The following CHD1L variants were observed in gnomAD, a reference collection of about 807,000 sequenced individuals.
The protein encoded by CHD1L is ATP-dependent chromatin remodeler CHD1L.
A neutral mutation model predicts 115.9 loss-of-function variants in CHD1L; 118 were observed. The ratio of observed to expected loss-of-function variants is 1.02; its 90% CI spans 0.88 to 1.19. The LOEUF (loss-of-function observed/expected upper bound fraction) is 1.19. CHD1L is among the 50% of genes most tolerant of loss of function. The pLI is 0.00. For missense variants in CHD1L, 1,179 were observed against 1,065.3 expected, an observed-to-expected ratio of 1.11 and a Z score of -1.49; for synonymous variants, 411 against 387.1, an observed-to-expected ratio of 1.06 and a Z score of -0.72.
Position 147,261,933 on chromosome 1 carries a change from C to T in CHD1L, c.576+2015C>T, listed in dbSNP as rs587772392. 7.9e-5 allele frequency among the ~76,000 whole-genome samples: 12 copies of T among 152,104 alleles called. No individual in the cohort carries two copies. In the South Asian group the frequency reaches 1.3e-3, roughly 16 times the overall value. On this transcript the variant is annotated intron_variant, in intron 6 of 22. Transcript: ENST00000369258. ...GCAACCAGCCGGGCGCAGTGGCTCA[C>T]GCCTGTAATCCCAGCACTTTGGGAG...
At chr1:147,251,401 A>G (rs1480026244) in intron 1 of CHD1L, among the ~76,000 whole-genome samples, 1 of 152,218 alleles carries the variant, frequency 6.6e-6, no homozygotes, top group Non-Finnish European at 1.5e-5. Context: ...AGCAAGAGGA[A>G]TAAGGGAAAG....
At chr1:147,216,084 G>A in the CHD1L span, 1 of 601,674 alleles carries the variant, frequency 1.7e-6, no homozygotes, top group East Asian at 2.9e-5. Context: ...CCCTTATGTA[G>A]TCCCTTCCCC....
chr1:147,233,853 G>T, the CHD1L span, among the ~76,000 whole-genome samples: 5 of 151,786 alleles, frequency 3.3e-5, no homozygotes, highest in East Asian at 3.9e-4. Context: ...AATGGGTTAA[G>T]GGCGGTGCAA....
intron 4 of CHD1L, among the ~76,000 whole-genome samples, chr1:147,256,201 T>TCAGG (rs1292514976): frequency 2.0e-5 from 3 of 152,058 alleles, no homozygotes; most frequent in African/African-American, 4.8e-5. Flanking sequence ...TGAACAGAAG[T>TCAGG]CAGGCAGGCA....
chr1:147,255,855 G>C lies in CHD1L; in HGVS notation c.390G>C (p.Lys130Asn). The change falls in exon 4 of 23, where the codon AAG becomes AAC. Residue 130 changes from lysine to asparagine, a missense_variant. Lys to Asn is a moderately conservative substitution (Grantham distance 94, BLOSUM62 0). Transcript: ENST00000369258. Reference sequence around the variant, plus strand: ...CCTGTGTAACATATGCAGGCGACAAGGAGGAAAGAGCCTGCCTTCAGCAAG... The same window carrying C: ...CCTGTGTAACATATGCAGGCGACAACGAGGAAAGAGCCTGCCTTCAGCAAG... ...GLSCVTYAGD[K>N]EERACLQQDL... is the part of the protein sequence containing the mutation. 6.2e-7 allele frequency: 1 copy of C among 1,613,856 alleles called. No homozygotes were observed.
intron 14 of CHD1L, among the ~76,000 whole-genome samples, chr1:147,277,561 C>T (rs1156712284): frequency 6.6e-6 from 1 of 152,098 alleles, no homozygotes; most frequent in Non-Finnish European, 1.5e-5. Flanking sequence ...CTTTGTTTAT[C>T]TTAGGGGGTA....
rs782402608 is a variant in CHD1L at position 147,286,500 on chromosome 1, G to C, written c.2221G>C (p.Asp741His). ...AEDALIVHCVDDSGHWGRGGL... is the reference protein window; with the variant it reads ...AEDALIVHCVHDSGHWGRGGL... ...GGATGCTCTCATTGTGCACTGCGTAGGTACGAGAAGTGGTATGGGCTGGGG... is the reference window on the plus strand; with the variant it reads ...GGATGCTCTCATTGTGCACTGCGTACGTACGAGAAGTGGTATGGGCTGGGG... Residue 741 changes from aspartate (D) to histidine (H), a missense_variant and splice_region_variant, in exon 18 of 23, where the codon GAT (aspartate) becomes CAT (histidine). Physicochemically the swap from Asp to His is moderately conservative, Grantham distance 81. Coordinates refer to ENST00000369258, the MANE Select transcript of CHD1L (RefSeq NM_004284.6). 5.0e-6 allele frequency: 8 copies of C among 1,613,062 alleles called. No homozygotes were observed. The highest frequency in any genetic ancestry group is 1.1e-5 in the South Asian group (1 of 90,998).
At chr1:147,291,028 G>A (rs72999668) in intron 19 of CHD1L, among the ~76,000 whole-genome samples, 13 of 152,156 alleles carry the variant, frequency 8.5e-5, no homozygotes, top group Non-Finnish European at 1.6e-4. Context: ...TAAAGCCATA[G>A]AATTAAATTA....
chr1:147,203,774 T>C, the CHD1L span: 11 of 1,538,328 alleles, frequency 7.2e-6, no homozygotes, highest in Admixed American at 1.3e-4. Context: ...CCTTTCTATG[T>C]CATCCATCAG....
chr1:147,260,726 T>TATTACCTCCA (rs2102481877), intron 6 of CHD1L: 1 of 152,348 alleles, frequency 6.6e-6, no homozygotes, highest in East Asian at 1.9e-4. Context: ...TGCTATTGAA[T>TATTACCTCCA]ATTACCTCCA....
the CHD1L span, among the ~76,000 whole-genome samples, chr1:147,194,693 A>G: frequency 0.036 from 5,455 of 151,752 alleles, 139 homozygotes; most frequent in South Asian, 0.092. Flanking sequence ...GCTCTTTTAG[A>G]GCAGGCCTGG....
intron 7 of CHD1L, among the ~76,000 whole-genome samples, chr1:147,264,858 CT>C (rs1673277850): frequency 6.6e-6 from 1 of 152,088 alleles, no homozygotes; most frequent in Non-Finnish European, 1.5e-5. Context: ...GATTTGCAGA[CT>C]TTTTTTTCCA....
chr1:147,189,021 A>G, the CHD1L span, among the ~76,000 whole-genome samples: 2 of 152,156 alleles, frequency 1.3e-5, no homozygotes, highest in African/African-American at 4.8e-5. Flanking sequence ...CATGCCTGTA[A>G]TCCCAGCACT....
the CHD1L span, among the ~76,000 whole-genome samples, chr1:147,176,552 G>T: frequency 1.3e-5 from 2 of 152,292 alleles, no homozygotes; most frequent in African/African-American, 4.8e-5. Context: ...AGCCACCCCT[G>T]CTCTAGAGGA....
chr1:147,206,939 T>A, the CHD1L span, among the ~76,000 whole-genome samples: 185 of 151,496 alleles, frequency 1.2e-3, no homozygotes, highest in Non-Finnish European at 1.1e-3. Context: ...ATAATAAAAA[T>A]ATATATATAT....
intron 14 of CHD1L, among the ~76,000 whole-genome samples, chr1:147,277,206 A>G (rs1164752785): frequency 2.0e-5 from 3 of 152,140 alleles, no homozygotes; most frequent in Non-Finnish European, 4.4e-5. Flanking sequence ...TAAACAAACT[A>G]TTGTTAGAGG....
In CHD1L at chr1:147,291,760, G is replaced by A. The variant is rs587670071; in HGVS notation, c.2391+208G>A. ...AAAGTCCAAGATCAAGGTATCGGCA[G>A]GTTTGGTTTCTCCCGAGGATTCTCT... is the stretch of plus-strand genomic sequence containing the variant. On this transcript the variant is annotated intron_variant, in intron 20 of 22. Transcript: ENST00000369258. Among the ~76,000 whole-genome samples, 11 of 152,270 alleles carry A rather than the reference G, an allele frequency of 7.2e-5. No homozygotes were observed. The South Asian group carries it at 2.3e-3, about 32-fold the overall frequency.
chr1:147,291,522 TAAAG>T lies in CHD1L; in HGVS notation c.2364_2367del (p.Lys788AsnfsTer12), dbSNP rs1356111446. The T allele has an allele frequency of 2.5e-6, 4 of 1,613,974 alleles. No individual in the cohort carries two copies. The highest frequency in any genetic ancestry group is 4.5e-5 in the East Asian group (2 of 44,880). ...GTGTCCTTTTATTTCCTGTTGATGATAAAGAATCAAGAAACAAAGGGCAAGATTT... is the reference window on the plus strand; with the variant it reads ...GTGTCCTTTTATTTCCTGTTGATGATAATCAAGAAACAAAGGGCAAGATTT... On this transcript the variant is annotated frameshift_variant, in exon 20 of 23. Transcript: ENST00000369258. LOFTEE classifies it high-confidence loss of function.
the CHD1L span, among the ~76,000 whole-genome samples, chr1:147,189,844 C>T: frequency 2.6e-5 from 4 of 152,160 alleles, no homozygotes; most frequent in African/African-American, 9.7e-5. Flanking sequence ...CTTCCTTCCT[C>T]TGGCAAGTCT....
Sources: gnomAD v4.1 joint callset for allele counts (sites outside exome capture counted in the v4.1 genomes callset) on GRCh38, gnomAD v4.1.1 for gene constraint, MANE v1.5 for transcripts, NCBI Gene and HGNC (gene_info 2026-07-23, HGNC 2026-07-21) for gene names.